Variants in NYAP2 observed in about 807,000 individuals in gnomAD.
The protein encoded by NYAP2 is neuronal tyrosine-phosphorylated phosphoinositide-3-kinase adapter 2.
A neutral mutation model predicts 50.4 loss-of-function variants in NYAP2; 23 were observed. That is an observed-to-expected ratio of 0.46 (90% CI 0.33 to 0.65). The LOEUF (loss-of-function observed/expected upper bound fraction) is 0.65. NYAP2 is among the 30% of genes least tolerant of loss of function. NYAP2 has a pLI of 0.02. For synonymous variants in NYAP2, 394 were observed against 365.2 expected, an observed-to-expected ratio of 1.08 and a Z score of -0.90; for missense variants, 885 against 861.0, an observed-to-expected ratio of 1.03 and a Z score of -0.35.
chr2:225,482,566 G>C (rs1335164656), intron 3 of NYAP2, among the ~76,000 whole-genome samples: 1 of 152,084 alleles, frequency 6.6e-6, no homozygotes, highest in Non-Finnish European at 1.5e-5. Context: ...GGGGTTTCCC[G>C]AAGGCTTCTG....
At chr2:225,440,106 G>A (rs897852952) in intron 3 of NYAP2, among the ~76,000 whole-genome samples, 2 of 152,178 alleles carry the variant, frequency 1.3e-5, no homozygotes, top group African/African-American at 4.8e-5. Context: ...TTGACACGTG[G>A]GGATTATGGG....
chr2:225,474,432 C>G (rs1157826692), intron 3 of NYAP2, among the ~76,000 whole-genome samples: 1 of 152,162 alleles, frequency 6.6e-6, no homozygotes, highest in African/African-American at 2.4e-5. Flanking sequence ...TTGATTCTTC[C>G]TATCCATGAG....
At chr2:225,457,152 C>A (rs1014667310) in intron 3 of NYAP2, among the ~76,000 whole-genome samples, 1 of 152,180 alleles carries the variant, frequency 6.6e-6, no homozygotes, top group Admixed American at 6.5e-5. Context: ...CTACGCTATG[C>A]GGAGTGAATG....
chr2:225,627,595 A>G (rs920554742), intron 6 of NYAP2, among the ~76,000 whole-genome samples: 32 of 152,250 alleles, frequency 2.1e-4, no homozygotes, highest in Admixed American at 5.2e-4. Flanking sequence ...ATTAGGAGGC[A>G]TCTGAAATCT....
At chr2:225,661,656 TTCTA>T in the NYAP2 span, among the ~76,000 whole-genome samples, 8 of 152,178 alleles carry the variant, frequency 5.3e-5, no homozygotes, top group East Asian at 1.9e-4. Flanking sequence ...AACCAGGTAG[TTCTA>T]TCTATCAAAC....
intron 6 of NYAP2, among the ~76,000 whole-genome samples, chr2:225,647,090 C>T (rs543384179): frequency 2.4e-4 from 37 of 151,936 alleles, no homozygotes; most frequent in Admixed American, 1.3e-3. Flanking sequence ...ATGATAATAT[C>T]TTCAACATAA....
chr2:225,553,256 G>A (rs1219164938), intron 4 of NYAP2, among the ~76,000 whole-genome samples: 1 of 152,224 alleles, frequency 6.6e-6, no homozygotes, highest in Non-Finnish European at 1.5e-5. Flanking sequence ...GTGAAAACAA[G>A]TAGTAAACCA....
At chr2:225,586,719 G>C in intron 5 of NYAP2, among the ~76,000 whole-genome samples, 1 of 151,986 alleles carries the variant, frequency 6.6e-6, no homozygotes. Flanking sequence ...TCACAAATGG[G>C]CCATTTCATT....
At chr2:225,618,966 T>A (rs1693041956) in intron 5 of NYAP2, among the ~76,000 whole-genome samples, 1 of 152,210 alleles carries the variant, frequency 6.6e-6, no homozygotes, top group South Asian at 2.1e-4. Context: ...TTTCCTGTCC[T>A]AATCCCAAGA....
intron 3 of NYAP2, among the ~76,000 whole-genome samples, chr2:225,510,608 C>T (rs1244485876): frequency 2.6e-5 from 4 of 152,198 alleles, no homozygotes; most frequent in Non-Finnish European, 4.4e-5. Context: ...TGTGCCATCA[C>T]CTTTACTGTT....
chr2:225,470,638 C>T (rs1048516259), intron 3 of NYAP2, among the ~76,000 whole-genome samples: 3 of 152,170 alleles, frequency 2.0e-5, no homozygotes, highest in South Asian at 2.1e-4. Context: ...GGAAATTATA[C>T]GTGCTGTCTT....
intron 6 of NYAP2, among the ~76,000 whole-genome samples, chr2:225,642,352 G>A (rs1693547950): frequency 6.6e-6 from 1 of 152,078 alleles, no homozygotes; most frequent in African/African-American, 2.4e-5. Flanking sequence ...AACATTTCTT[G>A]AGATTTTAGT....
chr2:225,533,176 T>A (rs1348980080), intron 4 of NYAP2, among the ~76,000 whole-genome samples: 2 of 152,200 alleles, frequency 1.3e-5, no homozygotes, highest in African/African-American at 4.8e-5. Context: ...TAGAAATATT[T>A]CTTATAAAAA....
chr2:225,437,664 G>A (rs1314136054), intron 3 of NYAP2, among the ~76,000 whole-genome samples: 5 of 152,148 alleles, frequency 3.3e-5, no homozygotes, highest in Non-Finnish European at 1.5e-5. Flanking sequence ...GTGTAAATGA[G>A]GTCTTCTTTC....
At chr2:225,405,521 G>A (rs966743015) in intron 2 of NYAP2, among the ~76,000 whole-genome samples, 1 of 151,952 alleles carries the variant, frequency 6.6e-6, no homozygotes. Flanking sequence ...TATCTTAGGT[G>A]TAAATATAAA....
chr2:225,693,871 A>AC, the NYAP2 span, among the ~76,000 whole-genome samples: 10 of 151,992 alleles, frequency 6.6e-5, no homozygotes, highest in African/African-American at 2.4e-4. Flanking sequence ...AGCTTTCCAC[A>AC]CTGTACTTTT....
At chr2:225,644,921 C>A (rs1006979086) in intron 6 of NYAP2, among the ~76,000 whole-genome samples, 4 of 152,134 alleles carry the variant, frequency 2.6e-5, no homozygotes, top group African/African-American at 9.7e-5. Flanking sequence ...CTTGGTGATG[C>A]AGGCTCTTTT....
chr2:225,458,451 A>G (rs1689773982), intron 3 of NYAP2, among the ~76,000 whole-genome samples: 1 of 152,220 alleles, frequency 6.6e-6, no homozygotes. Flanking sequence ...GTATAGCTTT[A>G]ATCCTTACAT....
At chr2:225,497,548 G>C (rs1690529300) in intron 3 of NYAP2, among the ~76,000 whole-genome samples, 2 of 152,178 alleles carry the variant, frequency 1.3e-5, no homozygotes, top group Non-Finnish European at 2.9e-5. Context: ...TTTGTAAAAT[G>C]CTTTTTGTTG....
Sources: allele counts gnomAD v4.1 joint callset (sites outside exome capture counted in the v4.1 genomes callset), GRCh38; gene constraint gnomAD v4.1.1; transcripts MANE v1.5; gene names NCBI Gene and HGNC (gene_info 2026-07-23, HGNC 2026-07-21).